Variants in ANKRD45 observed in about 807,000 individuals in gnomAD.
ANKRD45 encodes the protein ankyrin repeat domain 45.
Under a neutral mutation model 28.1 loss-of-function variants are expected in ANKRD45, and 21 were observed. That is an observed-to-expected ratio of 0.75 (90% CI 0.53 to 1.08). The LOEUF (loss-of-function observed/expected upper bound fraction) is 1.08, where lower values mean the gene tolerates loss of function less well. Ranked by LOEUF, ANKRD45 falls within the 50% of genes least tolerant of loss-of-function variation. The pLI is 0.00. For missense variants in ANKRD45, 261 were observed against 308.7 expected (o/e 0.85, Z 1.16); for synonymous variants, 86 against 103.9 (o/e 0.83, Z 1.05).
Position 173,659,223 on chromosome 1 carries a change from C to A in ANKRD45, c.196G>T (p.Ala66Ser). 1 of 1,614,154 alleles carries A rather than the reference C, an allele frequency of 6.2e-7. No homozygotes were observed. Among genetic ancestry groups the A allele is most frequent in the Non-Finnish European group, 8.5e-7 (1 of 1,180,018 alleles). The change falls in exon 2 of 6, where the codon GCC becomes TCC. Residue 66 changes from alanine (A) to serine (S), a missense_variant. Physicochemically the swap from Ala to Ser is moderately conservative, Grantham distance 99. Coordinates refer to ENST00000333279, the MANE Select transcript of ANKRD45 (RefSeq NM_198493.3). ...TCTTCTTCTAAGAGAAGCTGCATGG[C>A]CTGTTCATGATGAGGATTCTCAGGA... Reference protein sequence around the residue: ...EDPENPHHEQAMQLLLEEDIV... With the variant: ...EDPENPHHEQSMQLLLEEDIV...
At chr1:173,610,263 G>T (rs1379649572) in intron 5 of ANKRD45, 48 bp from the exon 6 acceptor site, 7 of 1,543,230 alleles carry the variant, frequency 4.5e-6, no homozygotes, top group South Asian at 3.4e-5. Context: ...TTTGCAATAT[G>T]AAACAAAATG....
At chr1:173,657,644 T>TTTTTTTTTAAA (rs71111069) in intron 2 of ANKRD45, 3 of 134,806 alleles carry the variant, frequency 2.2e-5, no homozygotes, top group Middle Eastern at 3.5e-3. Context: ...TTTTTTTTTT[T>TTTTTTTTTAAA]CAGCAACAGG....
chr1:173,715,118 A>G, the ANKRD45 span: 6 of 152,490 alleles, frequency 3.9e-5, no homozygotes, highest in Non-Finnish European at 7.3e-5. Flanking sequence ...GACAGCGGAC[A>G]GCGCCCCAGG....
chr1:173,639,558 T>C (rs987004637), intron 3 of ANKRD45, among the ~76,000 whole-genome samples: 14 of 152,160 alleles, frequency 9.2e-5, no homozygotes, highest in African/African-American at 3.1e-4. Flanking sequence ...TTAACCATGG[T>C]TCTCAGCCTT....
chr1:173,618,986 C>T (rs1398009715), intron 5 of ANKRD45, among the ~76,000 whole-genome samples: 2 of 152,214 alleles, frequency 1.3e-5, no homozygotes, highest in Non-Finnish European at 2.9e-5. Context: ...CAATATTCCA[C>T]ATTCTTAAAG....
At chr1:173,661,777 T>A (rs1170086483) in intron 1 of ANKRD45, among the ~76,000 whole-genome samples, 1 of 152,096 alleles carries the variant, frequency 6.6e-6, no homozygotes, top group Non-Finnish European at 1.5e-5. Flanking sequence ...TTCAACAAGG[T>A]AGGAAAGATC....
the ANKRD45 span, among the ~76,000 whole-genome samples, chr1:173,687,372 A>G: frequency 6.6e-6 from 1 of 152,046 alleles, no homozygotes; most frequent in Non-Finnish European, 1.5e-5. Flanking sequence ...ACTTGTCACA[A>G]ACATCCCTTT....
the ANKRD45 span, among the ~76,000 whole-genome samples, chr1:173,684,601 G>C: frequency 6.6e-6 from 1 of 152,164 alleles, no homozygotes; most frequent in African/African-American, 2.4e-5. Context: ...TTCTGTAAAA[G>C]TGATCATTTA....
chr1:173,633,883 T>G (rs1202586769), intron 3 of ANKRD45, among the ~76,000 whole-genome samples: 1 of 151,958 alleles, frequency 6.6e-6, no homozygotes, highest in Non-Finnish European at 1.5e-5. Context: ...ACTATGAAAC[T>G]ACTGTAAGAA....
intron 1 of ANKRD45, 122 bp from the exon 2 acceptor site, chr1:173,659,555 A>T (rs926438206): frequency 1.2e-6 from 1 of 865,372 alleles, no homozygotes; most frequent in Non-Finnish European, 1.6e-6. Context: ...TTTGAAAATA[A>T]CTATAAAGTA....
At chr1:173,711,702 C>T in the ANKRD45 span, among the ~76,000 whole-genome samples, 1 of 152,114 alleles carries the variant, frequency 6.6e-6, no homozygotes, top group African/African-American at 2.4e-5. Flanking sequence ...TTCAGGCTCC[C>T]GAAGGGCATA....
At chr1:173,648,173 C>T (rs761583765) in intron 2 of ANKRD45, among the ~76,000 whole-genome samples, 1 of 152,048 alleles carries the variant, frequency 6.6e-6, no homozygotes, top group African/African-American at 2.4e-5. Context: ...CTCTTGACCT[C>T]GTGATCCACT....
chr1:173,705,469 CCTG>C, the ANKRD45 span, among the ~76,000 whole-genome samples: 1 of 151,022 alleles, frequency 6.6e-6, no homozygotes, highest in Admixed American at 6.6e-5. Flanking sequence ...TCGAGACCAG[CCTG>C]GGTACCACGG....
upstream of ANKRD45, among the ~76,000 whole-genome samples, chr1:173,670,025 G>A (rs899818553): frequency 6.6e-6 from 1 of 152,186 alleles, no homozygotes; most frequent in African/African-American, 2.4e-5. Context: ...TAAATTTTCT[G>A]TAATAAGGTA....
intron 3 of ANKRD45, among the ~76,000 whole-genome samples, chr1:173,645,853 C>G (rs1447498261): frequency 1.3e-5 from 2 of 152,166 alleles, no homozygotes; most frequent in Non-Finnish European, 2.9e-5. Context: ...GCTCTGACTT[C>G]CTATTCTTCC....
At chr1:173,689,951 C>T in the ANKRD45 span, among the ~76,000 whole-genome samples, 4 of 151,366 alleles carry the variant, frequency 2.6e-5, no homozygotes, top group Admixed American at 2.7e-4. Flanking sequence ...AAGTGTATAA[C>T]TGAGGTCCTA....
In ANKRD45 at chr1:173,664,659, A is replaced by T. The variant is rs576196216; in HGVS notation, c.-16+5158T>A. Reference sequence around the variant, plus strand: ...AAAGGTCATTATGTATAGTCTATACAATACAACTTACCAAATATGATATTA... The same window carrying T: ...AAAGGTCATTATGTATAGTCTATACTATACAACTTACCAAATATGATATTA... On this transcript the variant is annotated intron_variant, in intron 1 of 5. Coordinates refer to ENST00000333279, the MANE Select transcript of ANKRD45 (RefSeq NM_198493.3). Among the ~76,000 whole-genome samples the T allele has an allele frequency of 2.0e-5, 3 of 152,326 alleles. No individual in the cohort carries two copies. In the South Asian group the frequency reaches 6.2e-4, roughly 32 times the overall value.
At chr1:173,682,626 A>G in the ANKRD45 span, among the ~76,000 whole-genome samples, 1 of 151,978 alleles carries the variant, frequency 6.6e-6, no homozygotes, top group Non-Finnish European at 1.5e-5. Context: ...TTTTGCTCAA[A>G]TAAAAAGAAA....
At chr1:173,654,768 C>T (rs1205930147) in intron 2 of ANKRD45, among the ~76,000 whole-genome samples, 2 of 152,092 alleles carry the variant, frequency 1.3e-5, no homozygotes, top group Non-Finnish European at 2.9e-5. Flanking sequence ...CCACATAATC[C>T]CATATTTCTT....
Sources: allele counts gnomAD v4.1 joint callset (sites outside exome capture counted in the v4.1 genomes callset), GRCh38; gene constraint gnomAD v4.1.1; transcripts MANE v1.5; gene names NCBI Gene and HGNC (gene_info 2026-07-23, HGNC 2026-07-21).